The following RALGPS1 variants were observed in gnomAD, a reference collection of about 807,000 sequenced individuals.
RALGPS1 encodes the protein Ral GEF with PH domain and SH3 binding motif 1.
Under a neutral mutation model 78.8 loss-of-function variants are expected in RALGPS1, and 19 were observed. The ratio of observed to expected loss-of-function variants is 0.24; its 90% CI spans 0.17 to 0.35. The LOEUF (loss-of-function observed/expected upper bound fraction) is 0.35. Ranked by LOEUF, RALGPS1 falls within the 10% of genes least tolerant of loss-of-function variation. RALGPS1 has a pLI of 1.00. For synonymous variants in RALGPS1, 228 were observed against 256.3 expected (o/e 0.89, Z 1.06); for missense variants, 454 against 688.3 (o/e 0.66, Z 3.81).
intron 8 of RALGPS1, chr9:127,108,782 T>A: frequency 1.3e-6 from 2 of 1,534,528 alleles, no homozygotes; most frequent in East Asian, 2.3e-5. Context: ...TATGAAAGCC[T>A]GAAAGTAAAC....
intron 8 of RALGPS1, among the ~76,000 whole-genome samples, chr9:127,159,700 T>C (rs2058911553): frequency 6.6e-6 from 1 of 152,216 alleles, no homozygotes; most frequent in Admixed American, 6.5e-5. Context: ...GATCTCATCA[T>C]GCAGTAGATG....
rs946113423 is a variant in RALGPS1, at chr9:127,211,430, G to T, written c.1248-701G>T. On this transcript the variant is annotated intron_variant, in intron 14 of 18. Transcript: ENST00000259351. This position sits in a 1 kb window ranked among gnomAD's most constrained non-coding sequence, Gnocchi z 5.0. ...AGACATATTTAGTGCCTGATCCCCA[G>T]TGCATCCTTGGGATTGATTAGGTTG... is the stretch of plus-strand genomic sequence containing the variant. Among the ~76,000 whole-genome samples, 37 of 152,330 alleles carry T rather than the reference G, an allele frequency of 2.4e-4. No homozygotes were observed. Among genetic ancestry groups the T allele is most frequent in the Admixed American group, 1.2e-3 (19 of 15,300 alleles).
intron 4 of RALGPS1, among the ~76,000 whole-genome samples, chr9:127,030,999 C>T (rs983345939): frequency 1.3e-4 from 20 of 152,170 alleles, no homozygotes; most frequent in African/African-American, 4.8e-4. Context: ...ATCCAGTCAG[C>T]TCAGCCACGT....
At chr9:127,021,237 C>T (rs575401111) in intron 4 of RALGPS1, among the ~76,000 whole-genome samples, 5 of 152,188 alleles carry the variant, frequency 3.3e-5, no homozygotes, top group African/African-American at 7.2e-5. Flanking sequence ...CTTGGTGGCT[C>T]GCAGTTGTAA....
chr9:126,949,380 A>G (rs1183425394), intron 1 of RALGPS1, among the ~76,000 whole-genome samples: 3 of 152,104 alleles, frequency 2.0e-5, no homozygotes, highest in Non-Finnish European at 4.4e-5. Context: ...TCCCTGAGGA[A>G]TCGCCACACT....
rs1392364213 is a variant in RALGPS1 at position 127,131,502 on chromosome 9, C to T, written c.611-34567C>T. Among the ~76,000 whole-genome samples, 2 of 152,222 alleles carry T rather than the reference C, an allele frequency of 1.3e-5. 1 individual carries two copies. Among genetic ancestry groups the T allele is most frequent in the Admixed American group, 1.3e-4 (2 of 15,282 alleles). On this transcript the variant is annotated intron_variant, in intron 8 of 18. Transcript: ENST00000259351. ...GTCATTGAGTTCTCAAAAACGGAGC[C>T]TCTCAGGAGAAGTTCTCTTTGTCCG...
chr9:126,988,755 C>A (rs570985097), intron 4 of RALGPS1, among the ~76,000 whole-genome samples: 1 of 152,294 alleles, frequency 6.6e-6, no homozygotes, highest in South Asian at 2.1e-4. Context: ...GGTTGTGAGG[C>A]TGCTGCAAGG....
chr9:127,022,122 T>C lies in RALGPS1; in HGVS notation c.217-12309T>C, dbSNP rs142725855. Reference sequence around the variant, plus strand: ...TCTGCTTATTCAGTGAGTACATATATGTGTATACTGATTTCACTGGAGGCA... The same window carrying C: ...TCTGCTTATTCAGTGAGTACATATACGTGTATACTGATTTCACTGGAGGCA... On this transcript the variant is annotated intron_variant, in intron 4 of 18. Transcript: ENST00000259351. Among the ~76,000 whole-genome samples, 376 of 152,244 alleles carry C rather than the reference T, an allele frequency of 2.5e-3. 2 individuals are homozygous for C. Among genetic ancestry groups the C allele is most frequent in the African/African-American group, 8.6e-3 (356 of 41,538 alleles).
rs546835377 is a variant in RALGPS1, at chr9:127,209,888, T to TA, written c.1248-2241dup. Among the ~76,000 whole-genome samples the TA allele has an allele frequency of 1.6e-4, 25 of 152,312 alleles. 1 individual carries two copies. In the South Asian group the frequency reaches 5.2e-3, roughly 32 times the overall value. ...AACTCTGGGCCTCATCTGACTTTAT[T>TA]AAGTTGATTACATTGTTGTCTGGCC... On this transcript the variant is annotated intron_variant, in intron 14 of 18. Transcript: ENST00000259351.
At chr9:127,168,611 A>G (rs1314540373) in intron 9 of RALGPS1, 68 bp from the exon 10 acceptor site, 3 of 1,082,074 alleles carry the variant, frequency 2.8e-6, no homozygotes, top group Non-Finnish European at 4.3e-6. Flanking sequence ...CATGATTTCT[A>G]TACTTCTCAT....
intron 5 of RALGPS1, among the ~76,000 whole-genome samples, chr9:127,048,320 C>T (rs1405776380): frequency 6.6e-6 from 1 of 152,198 alleles, no homozygotes; most frequent in Non-Finnish European, 1.5e-5. Context: ...TTAAAGTCTA[C>T]CCATCTTTCA....
At chr9:126,935,665 T>G (rs1018836626) in intron 1 of RALGPS1, among the ~76,000 whole-genome samples, 3 of 152,202 alleles carry the variant, frequency 2.0e-5, no homozygotes, top group Non-Finnish European at 4.4e-5. Context: ...TTTCCAAAAC[T>G]TTATGTATCA....
chr9:127,184,263 T>C (rs2060487552), intron 11 of RALGPS1: 1 of 485,702 alleles, frequency 2.1e-6, no homozygotes, highest in African/African-American at 2.0e-5. Flanking sequence ...GAGGCTACAG[T>C]GAGCCGTGAT....
intron 8 of RALGPS1, among the ~76,000 whole-genome samples, chr9:127,164,876 C>T (rs2059215015): frequency 6.6e-6 from 1 of 152,086 alleles, no homozygotes; most frequent in South Asian, 2.1e-4. Context: ...AATACTGTAT[C>T]ATTGCATTAA....
chr9:127,180,754 G>C (rs1453355898), intron 11 of RALGPS1, among the ~76,000 whole-genome samples: 2 of 152,230 alleles, frequency 1.3e-5, no homozygotes, highest in African/African-American at 4.8e-5. Flanking sequence ...CAGAACCTAA[G>C]GGCATGAAAC....
intron 14 of RALGPS1, among the ~76,000 whole-genome samples, chr9:127,206,981 T>C (rs1564795180): frequency 1.3e-5 from 2 of 151,986 alleles, no homozygotes; most frequent in South Asian, 2.1e-4. Flanking sequence ...CATCAGGTTC[T>C]TTATCTATAA....
At chr9:126,948,479 C>G (rs1183841950) in intron 1 of RALGPS1, among the ~76,000 whole-genome samples, 1 of 152,102 alleles carries the variant, frequency 6.6e-6, no homozygotes, top group African/African-American at 2.4e-5. Flanking sequence ...TGAGATTGCA[C>G]CACTGCACTC....
At chr9:127,208,038 CTG>C (rs1249310044) in intron 14 of RALGPS1, among the ~76,000 whole-genome samples, 2 of 152,126 alleles carry the variant, frequency 1.3e-5, no homozygotes, top group South Asian at 2.1e-4. Context: ...TCATCTAAAA[CTG>C]TGAGAACCGG....
At chr9:126,977,515 G>A (rs2040780862) in intron 3 of RALGPS1, among the ~76,000 whole-genome samples, 180 bp from the exon 4 acceptor site, 2 of 151,910 alleles carry the variant, frequency 1.3e-5, no homozygotes, top group South Asian at 2.1e-4. Context: ...TTTATGAAGC[G>A]GGGGAAGGGA....
Sources: allele counts gnomAD v4.1 joint callset (sites outside exome capture counted in the v4.1 genomes callset), GRCh38; gene constraint gnomAD v4.1.1; non-coding constraint Gnocchi (gnomAD v3.1); transcripts MANE v1.5; gene names NCBI Gene and HGNC (gene_info 2026-07-23, HGNC 2026-07-21).